The following PDE4D variants were observed in gnomAD, a reference collection of about 807,000 sequenced individuals.
PDE4D encodes phosphodiesterase 4D.
A neutral mutation model predicts 87.4 loss-of-function variants in PDE4D; 24 were observed. That is an observed-to-expected ratio of 0.27 (90% confidence interval 0.20 to 0.39). The LOEUF is 0.39. PDE4D is among the 10% of genes least tolerant of loss of function. The pLI, the probability that PDE4D is intolerant of heterozygous loss-of-function variation, is 1.00. For synonymous variants in PDE4D, 384 were observed against 383.2 expected (o/e 1.00, Z -0.02); for missense variants, 714 against 1,041.0 (o/e 0.69, Z 4.32).
intron 1 of PDE4D, among the ~76,000 whole-genome samples, chr5:59,334,099 C>T (rs1174634675): frequency 6.6e-6 from 1 of 151,762 alleles, no homozygotes; most frequent in African/African-American, 2.4e-5. Flanking sequence ...AAAAGGCATA[C>T]AATCATTATA....
chr5:59,275,975 G>T, intron 1 of PDE4D: 3 of 985,246 alleles, frequency 3.0e-6, no homozygotes, highest in Non-Finnish European at 3.6e-6. Flanking sequence ...ATTTACCTGC[G>T]AAAGTAATTT....
intron 1 of PDE4D, among the ~76,000 whole-genome samples, chr5:60,290,717 A>C (rs1752817930): frequency 6.6e-6 from 1 of 152,170 alleles, no homozygotes; most frequent in Non-Finnish European, 1.5e-5. Context: ...AGGTGGGAGA[A>C]TCACCTGAGC....
intron 1 of PDE4D, among the ~76,000 whole-genome samples, chr5:59,743,219 A>C (rs906235234): frequency 2.0e-5 from 3 of 152,160 alleles, no homozygotes; most frequent in Admixed American, 6.6e-5. Context: ...GAGAGCCCCC[A>C]AAAAATGGTA....
At position 60,146,710 on chromosome 5, in the gene PDE4D, AT is replaced by A. The variant is rs1354836762; in HGVS notation, c.42+38846del. Among the ~76,000 whole-genome samples, 5 of 152,256 alleles carry A rather than the reference AT, an allele frequency of 3.3e-5. No homozygotes were observed. In the South Asian group the frequency reaches 6.2e-4, roughly 19 times the overall value. ...GAAACAGCCTATACAATAACAAAAAATATTTGCATCCGATATGAATATTCGC... is the reference window on the plus strand; with the variant it reads ...GAAACAGCCTATACAATAACAAAAAAATTTGCATCCGATATGAATATTCGC... On this transcript the variant is annotated intron_variant, in intron 2 of 16. Coordinates refer to the PDE4D transcript ENST00000502484.
intron 1 of PDE4D, among the ~76,000 whole-genome samples, chr5:59,332,982 C>T (rs1007800305): frequency 5.9e-5 from 9 of 152,152 alleles, no homozygotes; most frequent in Non-Finnish European, 1.0e-4. Flanking sequence ...GAAACACCTC[C>T]GGTGCCACCT....
chr5:59,252,816 T>C (rs951041477), intron 1 of PDE4D, among the ~76,000 whole-genome samples: 9 of 152,152 alleles, frequency 5.9e-5, no homozygotes, highest in African/African-American at 2.2e-4. Context: ...TGTGAGCTAC[T>C]GCACCCACCC....
chr5:59,053,662 T>A (rs1336509089), intron 5 of PDE4D, among the ~76,000 whole-genome samples: 1 of 70,584 alleles, frequency 1.4e-5, no homozygotes, highest in South Asian at 4.1e-4. Flanking sequence ...TTTGTTGTTG[T>A]TTTTTTTTTT....
At chr5:59,999,725 T>C (rs1763856584) in intron 2 of PDE4D, among the ~76,000 whole-genome samples, 1 of 151,446 alleles carries the variant, frequency 6.6e-6, no homozygotes, top group Non-Finnish European at 1.5e-5. Flanking sequence ...AGGAACAAAA[T>C]ACACCTCCAG....
intron 1 of PDE4D, among the ~76,000 whole-genome samples, chr5:60,434,717 T>C (rs1232580404): frequency 6.6e-6 from 1 of 152,110 alleles, no homozygotes; most frequent in Admixed American, 6.6e-5. Context: ...ATCTCTCTGA[T>C]TCCATCTCTC....
At chr5:60,039,068 C>T (rs1768151125) in intron 2 of PDE4D, among the ~76,000 whole-genome samples, 1 of 151,204 alleles carries the variant, frequency 6.6e-6, no homozygotes, top group Non-Finnish European at 1.5e-5. Context: ...ACCATTTGAC[C>T]CAGCCATGCC....
intron 1 of PDE4D, among the ~76,000 whole-genome samples, chr5:59,695,208 A>AT (rs969723343): frequency 1.3e-5 from 2 of 151,614 alleles, no homozygotes; most frequent in Non-Finnish European, 2.9e-5. Flanking sequence ...TGAAAAAAAA[A>AT]AAATATCGAG....
chr5:60,077,425 T>C (rs1773424782), intron 2 of PDE4D, among the ~76,000 whole-genome samples: 1 of 152,134 alleles, frequency 6.6e-6, no homozygotes, highest in Non-Finnish European at 1.5e-5. Context: ...CTGCAGGGAC[T>C]GCTATGCTGG....
At chr5:60,482,664 A>T (rs1184522709) in intron 1 of PDE4D, among the ~76,000 whole-genome samples, 2 of 152,212 alleles carry the variant, frequency 1.3e-5, no homozygotes, top group Admixed American at 1.3e-4. Context: ...TGAGAAATAA[A>T]CTTCTCAGTT....
intron 1 of PDE4D, among the ~76,000 whole-genome samples, chr5:59,880,941 C>T (rs1749342118): frequency 6.6e-6 from 1 of 152,032 alleles, no homozygotes; most frequent in African/African-American, 2.4e-5. Flanking sequence ...TCCATGTCAA[C>T]AGAAGTAATG....
At position 59,072,684 on chromosome 5, in the gene PDE4D, A is replaced by G. The variant is rs1765041601; in HGVS notation, c.809-33713T>C. On this transcript the variant is annotated intron_variant, in intron 5 of 14. Coordinates refer to ENST00000340635, the MANE Select transcript of PDE4D (RefSeq NM_001104631.2). ...GCAGAGGAGTTAAATGGATATGTTA[A>G]TTACTATAGATGTAATCAGAGGTCT... 2.0e-5 allele frequency among the ~76,000 whole-genome samples: 3 copies of G among 152,308 alleles called. 1 individual carries two copies. The South Asian group carries it at 6.2e-4, about 32-fold the overall frequency.
At chr5:59,137,707 T>C (rs559126202) in intron 5 of PDE4D, among the ~76,000 whole-genome samples, 4 of 152,228 alleles carry the variant, frequency 2.6e-5, no homozygotes, top group Non-Finnish European at 4.4e-5. Context: ...TTTGTATTTT[T>C]AGTAGAGACA....
intron 1 of PDE4D, among the ~76,000 whole-genome samples, chr5:59,441,571 T>G (rs1054328911): frequency 4.6e-5 from 7 of 152,206 alleles, no homozygotes; most frequent in African/African-American, 1.7e-4. Flanking sequence ...GTTGATTTCC[T>G]CTTAACCTGT....
At chr5:60,496,304 C>T (rs1489058182) in intron 1 of PDE4D, among the ~76,000 whole-genome samples, 1 of 152,158 alleles carries the variant, frequency 6.6e-6, no homozygotes, top group African/African-American at 2.4e-5. Context: ...TCCAAAATGA[C>T]TTGGTCTTAA....
intron 1 of PDE4D, among the ~76,000 whole-genome samples, chr5:59,328,574 C>A (rs182213425): frequency 1.3e-5 from 2 of 152,138 alleles, no homozygotes; most frequent in Admixed American, 1.3e-4. Flanking sequence ...ATAATAGCCT[C>A]GATGGACTCT....
Sources: gnomAD v4.1 joint callset for allele counts (sites outside exome capture counted in the v4.1 genomes callset) on GRCh38, gnomAD v4.1.1 for gene constraint, MANE v1.5 for transcripts, NCBI Gene and HGNC (gene_info 2026-07-23, HGNC 2026-07-21) for gene names.